DPP6: variants seen among roughly 807,000 people sequenced by gnomAD.
DPP6 encodes dipeptidyl peptidase like 6, also known as A-type potassium channel modulatory protein DPP6.
In DPP6, 69 loss-of-function variants were observed where a neutral mutation model predicts 122.6. The observed-to-expected ratio is 0.56, with a 90% CI of 0.46 to 0.69. DPP6 has a LOEUF of 0.69. Among genes scored for constraint, DPP6 ranks in the 30% least tolerant of loss-of-function variants. The pLI is 0.00. For missense variants in DPP6, 928 were observed against 1,116.9 expected (o/e 0.83, Z 2.41); for synonymous variants, 418 against 433.1 (o/e 0.97, Z 0.43).
intron 1 of DPP6, among the ~76,000 whole-genome samples, chr7:154,053,600 T>C (rs1200901098): frequency 3.3e-5 from 5 of 150,932 alleles, no homozygotes; most frequent in Admixed American, 2.6e-4. Context: ...AGACACTTTT[T>C]CCCCCCAGCG....
chr7:154,794,304 T>C, intron 11 of DPP6, 102 bp downstream of exon 11: 2 of 1,401,758 alleles, frequency 1.4e-6, no homozygotes, highest in Non-Finnish European at 1.9e-6. Context: ...GCCTGGGACT[T>C]GGGGACCGGC....
intron 8 of DPP6, among the ~76,000 whole-genome samples, chr7:154,741,931 T>C (rs1245738728): frequency 1.3e-5 from 2 of 152,242 alleles, no homozygotes; most frequent in Non-Finnish European, 1.5e-5. Context: ...GAAATTTACA[T>C]GTAGCAAAAT....
At chr7:154,254,134 A>G (rs1291243306) in intron 1 of DPP6, among the ~76,000 whole-genome samples, 1 of 152,210 alleles carries the variant, frequency 6.6e-6, no homozygotes, top group African/African-American at 2.4e-5. Context: ...TATCAACCAC[A>G]TTTATTTATC....
chr7:154,293,546 C>G (rs989696711), intron 1 of DPP6, among the ~76,000 whole-genome samples: 2 of 152,204 alleles, frequency 1.3e-5, no homozygotes, highest in East Asian at 3.9e-4. Context: ...AAAGGTTACT[C>G]TAGCACAATT....
At chr7:153,837,258 T>TG in the DPP6 span, among the ~76,000 whole-genome samples, 15 of 148,624 alleles carry the variant, frequency 1.0e-4, no homozygotes, top group African/African-American at 3.9e-4. Context: ...ACTAAAAATG[T>TG]GTTTTTTTTT....
chr7:153,970,264 G>A (rs1795959733), intron 1 of DPP6, among the ~76,000 whole-genome samples: 1 of 152,198 alleles, frequency 6.6e-6, no homozygotes, highest in Non-Finnish European at 1.5e-5. Flanking sequence ...GACAAATGAT[G>A]AGTATCTTTT....
chr7:154,324,220 A>G lies in DPP6; in HGVS notation c.244-121994A>G, dbSNP rs182650877. 3.7e-3 allele frequency among the ~76,000 whole-genome samples: 564 copies of G among 152,302 alleles called. 1 individual carries two copies. The highest frequency in any genetic ancestry group is 0.011 in the African/African-American group (473 of 41,568). On this transcript the variant is annotated intron_variant, in intron 1 of 25. Transcript: ENST00000377770. ...CTTCCTGTTCACGGTTGCCTTTTAC[A>G]TGCACAGCAGGTTGCTTGGGGAGCT...
intron 1 of DPP6, among the ~76,000 whole-genome samples, chr7:154,404,995 G>A (rs1179428980): frequency 6.6e-6 from 1 of 152,186 alleles, no homozygotes; most frequent in Middle Eastern, 3.2e-3. Flanking sequence ...TGTGTTTTGT[G>A]CCTATGTGTG....
chr7:154,303,634 G>T (rs1806060311), intron 1 of DPP6, among the ~76,000 whole-genome samples: 1 of 152,166 alleles, frequency 6.6e-6, no homozygotes, highest in African/African-American at 2.4e-5. Context: ...CCTGTCCCAT[G>T]CAGGAGTCTA....
At chr7:153,940,848 T>C (rs975255753) in intron 1 of DPP6, among the ~76,000 whole-genome samples, 2 of 152,136 alleles carry the variant, frequency 1.3e-5, no homozygotes, top group Non-Finnish European at 2.9e-5. Context: ...GCCAAGCATA[T>C]GCGCAGCTTC....
At chr7:154,476,985 G>A (rs1357957647) in intron 3 of DPP6, among the ~76,000 whole-genome samples, 5 of 151,996 alleles carry the variant, frequency 3.3e-5, no homozygotes, top group Admixed American at 6.6e-5. Flanking sequence ...AGGCTGAGGT[G>A]AGAGGATGGC....
chr7:153,950,599 G>A lies in DPP6; in HGVS notation c.51+62865G>A, dbSNP rs1229790760. Among the ~76,000 whole-genome samples the A allele has an allele frequency of 2.6e-5, 4 of 152,194 alleles. No individual in the cohort carries two copies. The East Asian group carries it at 5.8e-4, about 22-fold the overall frequency. ...AGCCCAGGAAGGAACGCCTGAAGTG[G>A]AAATAAGGAAAGATTGGCAGCCCCT... On this transcript the variant is annotated intron_variant, in intron 1 of 25. Coordinates refer to the DPP6 transcript ENST00000404039.
intron 10 of DPP6, among the ~76,000 whole-genome samples, chr7:154,781,830 C>T (rs868038764): frequency 6.6e-6 from 1 of 152,198 alleles, no homozygotes; most frequent in East Asian, 1.9e-4. Flanking sequence ...CCCTTTACTG[C>T]CACACAACTG....
intron 1 of DPP6, among the ~76,000 whole-genome samples, chr7:153,916,372 TCCTCCCCTCTCCTCC>T (rs1347643839): frequency 2.3e-4 from 23 of 99,374 alleles, no homozygotes; most frequent in Admixed American, 4.6e-4. Flanking sequence ...CCCTCCTATC[TCCTCCCCTCTCCTCC>T]CCTCCCCTCT....
At chr7:154,882,734 C>T (rs1394389003) in intron 21 of DPP6, among the ~76,000 whole-genome samples, 1 of 151,742 alleles carries the variant, frequency 6.6e-6, no homozygotes, top group Non-Finnish European at 1.5e-5. Context: ...GGCCGCGTGG[C>T]CCTGCAGGAA....
At chr7:154,580,296 C>T (rs1163468157) in intron 5 of DPP6, among the ~76,000 whole-genome samples, 2 of 152,014 alleles carry the variant, frequency 1.3e-5, no homozygotes, top group Non-Finnish European at 2.9e-5. Flanking sequence ...TATATTTCCT[C>T]CCTACCTCCT....
the DPP6 span, among the ~76,000 whole-genome samples, chr7:153,810,649 TCGCTCCCTCTC>T: frequency 7.0e-6 from 1 of 142,926 alleles, no homozygotes; most frequent in Non-Finnish European, 1.5e-5. Flanking sequence ...ATAATCCAAA[TCGCTCCCTCTC>T]CTCTCTCTCT....
At chr7:154,245,550 T>C (rs1801922623) in intron 1 of DPP6, among the ~76,000 whole-genome samples, 1 of 148,904 alleles carries the variant, frequency 6.7e-6, no homozygotes, top group Non-Finnish European at 1.5e-5. Context: ...GCAGGAGAAT[T>C]GTTTGAACCT....
rs865783830 is a variant in DPP6, at chr7:154,821,645, T to C, written c.1666+14533T>C. Among the ~76,000 whole-genome samples, 1,109 of 115,156 alleles carry C rather than the reference T, an allele frequency of 9.6e-3. 9 individuals carry two copies. The highest frequency in any genetic ancestry group is 0.017 in the Middle Eastern group (4 of 238). 75.5% of individuals were successfully genotyped at this position (115,156 alleles called of 152,430 possible). ...TTTTTTCTGTATATATATATATATATACACATATATATATATATACACATA... is the reference window on the plus strand; with the variant it reads ...TTTTTTCTGTATATATATATATATACACACATATATATATATATACACATA... On this transcript the variant is annotated intron_variant, in intron 16 of 25. Transcript: ENST00000377770. The surrounding 1 kb of genome is among the most constrained non-coding windows in gnomAD (Gnocchi z 4.2).
Sources: allele counts gnomAD v4.1 joint callset (sites outside exome capture counted in the v4.1 genomes callset), GRCh38; gene constraint gnomAD v4.1.1; non-coding constraint Gnocchi (gnomAD v3.1); transcripts MANE v1.5; gene names NCBI Gene and HGNC (gene_info 2026-07-23, HGNC 2026-07-21).